DACH2: variants seen among roughly 807,000 people sequenced by gnomAD.
The protein encoded by DACH2 is dachshund family transcription factor 2, also known as dachshund homolog 2.
DACH2 carries 17 observed loss-of-function variants against 35.8 expected under a neutral mutation model. That is an observed-to-expected ratio of 0.48 (90% CI 0.33 to 0.71). The LOEUF is 0.71. DACH2 is among the 30% of genes least tolerant of loss of function. The pLI is 0.02. For missense variants in DACH2, 469 were observed against 472.7 expected, an observed-to-expected ratio of 0.99 and a Z score of 0.07; for synonymous variants, 195 against 177.3, an observed-to-expected ratio of 1.10 and a Z score of -0.79.
At chrX:86,390,483 T>A (rs1388467444) in intron 2 of DACH2, among the ~76,000 whole-genome samples, 1 of 112,171 alleles carries the variant, frequency 8.9e-6, no homozygotes, top group African/African-American at 3.2e-5. Flanking sequence ...AATAAATTTG[T>A]AATTAGATAT....
chrX:86,808,099 C>A (rs12844162), intron 7 of DACH2, among the ~76,000 whole-genome samples: 36,359 of 110,820 alleles, frequency 0.33, 4,825 homozygotes, highest in Non-Finnish European at 0.42. Context: ...AAATAACAAT[C>A]TATGCCACAT....
chrX:86,695,587 T>G (rs749509119), intron 5 of DACH2, among the ~76,000 whole-genome samples: 1 of 108,947 alleles, frequency 9.2e-6, no homozygotes, highest in South Asian at 4.1e-4. Context: ...CGCGGCTCAT[T>G]GCAACCTCCG....
intron 1 of DACH2, chrX:86,160,150 A>G (rs940132184): frequency 3.9e-6 from 3 of 778,417 alleles, no homozygotes; most frequent in Non-Finnish European, 5.4e-6. Flanking sequence ...TTAAACTTAA[A>G]TGGCCCATTG....
chrX:86,361,042 A>T (rs764879747), intron 1 of DACH2, among the ~76,000 whole-genome samples: 7 of 111,814 alleles, frequency 6.3e-5, no homozygotes, highest in Non-Finnish European at 1.1e-4. Flanking sequence ...ATAAACTTTC[A>T]GAAGTTAAAG....
intron 1 of DACH2, among the ~76,000 whole-genome samples, chrX:86,375,135 G>A (rs1487876596): frequency 9.3e-6 from 1 of 107,725 alleles, no homozygotes; most frequent in Non-Finnish European, 1.9e-5. Flanking sequence ...AAATATCAAG[G>A]TAAACTCCTA....
intron 2 of DACH2, among the ~76,000 whole-genome samples, chrX:86,416,276 G>A (rs1356127740): frequency 8.9e-6 from 1 of 112,016 alleles, no homozygotes; most frequent in Non-Finnish European, 1.9e-5. Flanking sequence ...GGTTGGGTGG[G>A]AAGAATACAA....
chrX:86,230,855 G>T (rs918696344), intron 1 of DACH2, among the ~76,000 whole-genome samples: 16 of 111,663 alleles, frequency 1.4e-4, no homozygotes, highest in African/African-American at 4.6e-4. Flanking sequence ...TCTCAGTGAG[G>T]TTATTTAAAT....
At chrX:86,499,900 T>A (rs1455600236) in intron 2 of DACH2, among the ~76,000 whole-genome samples, 1 of 111,142 alleles carries the variant, frequency 9.0e-6, no homozygotes, top group Non-Finnish European at 1.9e-5. Flanking sequence ...GATGGAGCCA[T>A]GATAGGATTT....
rs757849814 is a variant in DACH2, at chrX:86,190,682, C to T, written c.488+41574C>T. 8.0e-5 allele frequency among the ~76,000 whole-genome samples: 9 copies of T among 112,032 alleles called. No individual in the cohort carries two copies. The South Asian group carries it at 1.8e-3, about 23-fold the overall frequency. On this transcript the variant is annotated intron_variant, in intron 1 of 11. Transcript: ENST00000373125. ...GTAAAAGGCCAGGCGCGGTGGCTCA[C>T]GCCTGTAATCCCAGCACTTTGGGAG... is the stretch of plus-strand genomic sequence containing the variant.
chrX:86,719,059 C>T (rs1320117822), intron 6 of DACH2, among the ~76,000 whole-genome samples: 2 of 111,961 alleles, frequency 1.8e-5, no homozygotes, highest in African/African-American at 6.5e-5. Flanking sequence ...GATTGCTTTG[C>T]ACAGTATGGT....
intron 3 of DACH2, among the ~76,000 whole-genome samples, chrX:86,619,331 T>G (rs967922272): frequency 8.9e-6 from 1 of 111,918 alleles, no homozygotes; most frequent in African/African-American, 3.2e-5. Flanking sequence ...TTTATCTTCT[T>G]TATTTTCTTC....
chrX:86,769,770 C>T lies in DACH2; in HGVS notation c.1240+29888C>T, dbSNP rs762075019. On this transcript the variant is annotated intron_variant, in intron 7 of 11. Transcript: ENST00000373125. ...TAAAGTTATTTCACCTTAAAAGTCA[C>T]GTTTATTATTTTAATGACAAAATGC... Among the ~76,000 whole-genome samples, 442 of 110,854 alleles carry T rather than the reference C, an allele frequency of 4.0e-3. 1 individual carries two copies. The highest frequency in any genetic ancestry group is 8.4e-3 in the South Asian group (22 of 2,634).
chrX:86,663,361 G>T (rs1022185722), intron 4 of DACH2, among the ~76,000 whole-genome samples: 1 of 111,752 alleles, frequency 8.9e-6, no homozygotes. Flanking sequence ...TAATTTTATG[G>T]ACTCTGAGAA....
intron 3 of DACH2, among the ~76,000 whole-genome samples, chrX:86,516,549 A>G (rs1252787388): frequency 9.0e-6 from 1 of 110,993 alleles, no homozygotes; most frequent in Admixed American, 9.5e-5. Flanking sequence ...GCGAGTTTAA[A>G]TTATTTGCTT....
intron 3 of DACH2, among the ~76,000 whole-genome samples, chrX:86,649,880 T>A (rs1041946462): frequency 9.0e-6 from 1 of 111,273 alleles, no homozygotes; most frequent in African/African-American, 3.3e-5. Context: ...TGCCTTCTTT[T>A]CCTTGAATCA....
At chrX:86,778,620 CT>C (rs1184977355) in intron 7 of DACH2, among the ~76,000 whole-genome samples, 2 of 110,259 alleles carry the variant, frequency 1.8e-5, no homozygotes, top group African/African-American at 6.6e-5. Context: ...TTTTCTTTTT[CT>C]TTTTTTTGAG....
chrX:86,741,628 A>G (rs1291283722), intron 7 of DACH2, among the ~76,000 whole-genome samples: 1 of 111,595 alleles, frequency 9.0e-6, no homozygotes, highest in African/African-American at 3.3e-5. Context: ...ATTGTGTACA[A>G]CTGATTCTAG....
Position 86,714,639 on chromosome X carries a change from C to A in DACH2, c.1023C>A (p.Asn341Lys), listed in dbSNP as rs1362283117. 1.4e-5 allele frequency: 17 copies of A among 1,207,215 alleles called. No homozygotes were observed. Among genetic ancestry groups the A allele is most frequent in the African/African-American group, 3.5e-5 (2 of 57,221 alleles). Residue 341 changes from asparagine to lysine, a missense_variant, in exon 6 of 12, where the codon AAC (asparagine) becomes AAA (lysine). Transcript: ENST00000373125. ...ASVAMAMNQM[N>K]HLNTIANMAA... The stretch of plus-strand genomic sequence containing the variant: ...TTGCCATGGCAATGAATCAGATGAA[C>A]CATCTCAATACTATTGCCAACATGG...
chrX:86,615,613 G>A (rs976806728), intron 3 of DACH2, among the ~76,000 whole-genome samples: 5 of 111,232 alleles, frequency 4.5e-5, no homozygotes, highest in African/African-American at 1.6e-4. Flanking sequence ...TGTTTTATAA[G>A]TGAGAACCCT....
Sources: gnomAD v4.1 joint callset for allele counts (sites outside exome capture counted in the v4.1 genomes callset) on GRCh38, gnomAD v4.1.1 for gene constraint, MANE v1.5 for transcripts, NCBI Gene and HGNC (gene_info 2026-07-23, HGNC 2026-07-21) for gene names.